The following PDE3B variants were observed in gnomAD, a reference collection of about 807,000 sequenced individuals.
The protein encoded by PDE3B is phosphodiesterase 3B.
PDE3B carries 66 observed loss-of-function variants against 116.8 expected under a neutral mutation model. That is an observed-to-expected ratio of 0.56 (90% CI 0.46 to 0.69). The LOEUF (loss-of-function observed/expected upper bound fraction) is 0.69, where lower values mean the gene tolerates loss of function less well. Ranked by LOEUF, PDE3B falls within the 30% of genes least tolerant of loss-of-function variation. PDE3B has a pLI of 0.00. For synonymous variants in PDE3B, 595 were observed against 533.6 expected (o/e 1.12, Z -1.59); for missense variants, 1,384 against 1,368.1 (o/e 1.01, Z -0.18).
chr11:14,879,035 G>T, the PDE3B span: 2 of 1,126,820 alleles, frequency 1.8e-6, no homozygotes, highest in African/African-American at 1.5e-5. Flanking sequence ...ATAGAAGGAT[G>T]CTTCAGATTA....
chr11:14,675,716 T>G (rs1321275560), intron 1 of PDE3B, among the ~76,000 whole-genome samples: 1 of 152,196 alleles, frequency 6.6e-6, no homozygotes, highest in East Asian at 1.9e-4. Flanking sequence ...ATGAATATGT[T>G]CCCTGAATGA....
chr11:14,684,803 C>A (rs1024220486), intron 1 of PDE3B, among the ~76,000 whole-genome samples: 4 of 152,136 alleles, frequency 2.6e-5, no homozygotes, highest in African/African-American at 9.7e-5. Flanking sequence ...ACTTGCACAT[C>A]TGTTTATAGG....
intron 2 of PDE3B, among the ~76,000 whole-genome samples, chr11:14,780,552 C>A (rs1273420474): frequency 6.6e-6 from 1 of 152,142 alleles, no homozygotes; most frequent in Non-Finnish European, 1.5e-5. Context: ...GAACAACCTG[C>A]TCCTGAGTGA....
the PDE3B span, among the ~76,000 whole-genome samples, chr11:14,896,561 G>A: frequency 6.6e-6 from 1 of 152,242 alleles, no homozygotes; most frequent in African/African-American, 2.4e-5. Flanking sequence ...CTGAAGTAAA[G>A]AAACAGTTCT....
At chr11:14,869,014 CCGT>C (rs1357741965) in intron 15 of PDE3B, among the ~76,000 whole-genome samples, 2 of 151,454 alleles carry the variant, frequency 1.3e-5, no homozygotes, top group East Asian at 3.9e-4. Context: ...GAGCAAGACT[CCGT>C]CTCAAAAAAA....
chr11:14,650,723 C>T (rs1170106433), intron 1 of PDE3B, among the ~76,000 whole-genome samples: 7 of 151,988 alleles, frequency 4.6e-5, no homozygotes, highest in Non-Finnish European at 7.4e-5. Context: ...ACCCGGGAGG[C>T]GGAGCTTGCA....
rs895267985 is a variant in PDE3B, at chr11:14,704,224, A to C, written c.978+59171A>C. Among the ~76,000 whole-genome samples the C allele has an allele frequency of 8.6e-5, 13 of 151,796 alleles. No individual in the cohort carries two copies. In the Admixed American group the frequency reaches 8.6e-4, roughly 10 times the overall value. On this transcript the variant is annotated intron_variant, in intron 1 of 15. Coordinates refer to ENST00000282096, the MANE Select transcript of PDE3B (RefSeq NM_000922.4). ...TAGAATTATGTTAAAATATTAAACC[A>C]GCATGTCTGAATCATGACTACATAA...
chr11:14,817,333 G>GC (rs1303019352), intron 5 of PDE3B, among the ~76,000 whole-genome samples: 4 of 152,212 alleles, frequency 2.6e-5, no homozygotes, highest in South Asian at 4.2e-4. Flanking sequence ...TATACCTAAT[G>GC]TAAATGATGA....
intron 4 of PDE3B, among the ~76,000 whole-genome samples, chr11:14,798,274 A>G (rs1858622284): frequency 6.6e-6 from 1 of 152,200 alleles, no homozygotes; most frequent in South Asian, 2.1e-4. Context: ...CATCGCAGGG[A>G]TGAAGCCTAC....
At chr11:14,877,958 G>T in the PDE3B span, 2 of 672,772 alleles carry the variant, frequency 3.0e-6, no homozygotes, top group South Asian at 2.2e-5. Flanking sequence ...AAACAATCAC[G>T]ACTAGTGCTT....
In PDE3B at chr11:14,830,866, T is replaced by C; in HGVS notation, c.1956+20T>C. On this transcript the variant is annotated intron_variant, in intron 8 of 15. Transcript: ENST00000282096. ...ACAAATGTAAAAGATAAACTTTCAATATGATTATGTTAAGGTGAAATATAA... is the reference window on the plus strand; with the variant it reads ...ACAAATGTAAAAGATAAACTTTCAACATGATTATGTTAAGGTGAAATATAA... 1 of 1,464,092 alleles carries C rather than the reference T, an allele frequency of 6.8e-7. No homozygotes were observed. Among genetic ancestry groups the C allele is most frequent in the South Asian group, 1.5e-5 (1 of 66,210 alleles). 90.7% of individuals were successfully genotyped at this position (1,464,092 alleles called of 1,614,324 possible).
intron 1 of PDE3B, among the ~76,000 whole-genome samples, chr11:14,645,642 ATTAAT>A: frequency 6.6e-6 from 1 of 152,366 alleles, no homozygotes; most frequent in South Asian, 2.1e-4. Flanking sequence ...TATTTTACAG[ATTAAT>A]TCAATGTTCT....
chr11:14,775,156 A>G (rs1857749435), intron 2 of PDE3B: 2 of 152,038 alleles, frequency 1.3e-5, no homozygotes, highest in African/African-American at 4.8e-5. Context: ...ATTATATACG[A>G]CCCTTTATTA....
At chr11:14,789,051 C>T (rs1204692613) in intron 3 of PDE3B, 55 bp from the exon 4 acceptor site, 9 of 1,252,146 alleles carry the variant, frequency 7.2e-6, no homozygotes, top group Non-Finnish European at 1.0e-5. Context: ...ACTAATATTA[C>T]ATATATAGCA....
intron 1 of PDE3B, among the ~76,000 whole-genome samples, chr11:14,677,619 C>A (rs1375313568): frequency 2.6e-5 from 4 of 151,956 alleles, no homozygotes; most frequent in African/African-American, 9.7e-5. Flanking sequence ...TTTTGTATAT[C>A]CACTACAACA....
At chr11:14,814,098 G>A (rs941771974) in intron 5 of PDE3B, among the ~76,000 whole-genome samples, 1 of 152,104 alleles carries the variant, frequency 6.6e-6, no homozygotes, top group Admixed American at 6.6e-5. Context: ...AGCAAATTGG[G>A]AATAGAGGGG....
At chr11:14,725,376 C>G (rs1409398215) in intron 1 of PDE3B, among the ~76,000 whole-genome samples, 2 of 143,790 alleles carry the variant, frequency 1.4e-5, no homozygotes, top group Non-Finnish European at 3.0e-5. Flanking sequence ...TTTCTCCTTT[C>G]TTCCTTCCTT....
intron 1 of PDE3B, among the ~76,000 whole-genome samples, chr11:14,769,226 A>T (rs1857571951): frequency 6.6e-6 from 1 of 151,428 alleles, no homozygotes. Context: ...GGTCTGTAAT[A>T]TTGTAATACT....
intron 1 of PDE3B, among the ~76,000 whole-genome samples, chr11:14,751,137 T>A (rs1441302667): frequency 1.3e-5 from 2 of 152,200 alleles, no homozygotes; most frequent in Non-Finnish European, 2.9e-5. Context: ...CTGGTGATTA[T>A]GCAAGCTGCC....
Sources: allele counts gnomAD v4.1 joint callset (sites outside exome capture counted in the v4.1 genomes callset), GRCh38; gene constraint gnomAD v4.1.1; transcripts MANE v1.5; gene names NCBI Gene and HGNC (gene_info 2026-07-23, HGNC 2026-07-21).